The following DLGAP2 variants were observed in gnomAD, a reference collection of about 807,000 sequenced individuals.
DLGAP2 encodes disks large-associated protein 2.
Under a neutral mutation model 100.3 loss-of-function variants are expected in DLGAP2, and 26 were observed. That is an observed-to-expected ratio of 0.26 (90% CI 0.19 to 0.36). The LOEUF (loss-of-function observed/expected upper bound fraction) is 0.36. Among genes scored for constraint, DLGAP2 ranks in the 10% least tolerant of loss-of-function variants. The pLI, the probability that DLGAP2 is intolerant of heterozygous loss-of-function variation, is 1.00. For missense variants in DLGAP2, 1,858 were observed against 1,453.2 expected, an observed-to-expected ratio of 1.28 and a Z score of -4.53; for synonymous variants, 886 against 630.1, an observed-to-expected ratio of 1.41 and a Z score of -6.08.
At chr8:971,277 G>A (rs1482420721) in intron 2 of DLGAP2, among the ~76,000 whole-genome samples, 1 of 152,216 alleles carries the variant, frequency 6.6e-6, no homozygotes, top group East Asian at 1.9e-4. Context: ...CAACTGAAAA[G>A]TGGACAGAGG....
At chr8:1,667,318 C>T (rs1481983216) in intron 8 of DLGAP2, among the ~76,000 whole-genome samples, 1 of 152,156 alleles carries the variant, frequency 6.6e-6, no homozygotes. Context: ...CAGTCATCAT[C>T]TCCGGATGCA....
At chr8:1,087,910 C>A (rs1804029261) in intron 2 of DLGAP2, among the ~76,000 whole-genome samples, 1 of 152,250 alleles carries the variant, frequency 6.6e-6, no homozygotes, top group African/African-American at 2.4e-5. Flanking sequence ...GTCACCAGGT[C>A]CCCACCCTGG....
chr8:1,548,834 C>A lies in DLGAP2; in HGVS notation c.381C>A (p.Ser127Arg), dbSNP rs757945781. The change falls in exon 5 of 15, where the codon AGC becomes AGA. Residue 127 changes from serine to arginine, a missense_variant. Transcript: ENST00000637795. ...RPPYLLSPAD[S>R]CPGGRHRCSP... ...CCTACCTGCTGAGCCCCGCCGACAG[C>A]TGCCCCGGGGGGCGCCACCGCTGCT... is the stretch of plus-strand genomic sequence containing the variant. 1 of 1,580,288 alleles carries A rather than the reference C, an allele frequency of 6.3e-7. No individual in the cohort carries two copies. Among genetic ancestry groups the A allele is most frequent in the Non-Finnish European group, 8.6e-7 (1 of 1,167,160 alleles).
At chr8:1,062,845 G>C (rs557231968) in intron 2 of DLGAP2, among the ~76,000 whole-genome samples, 4 of 152,296 alleles carry the variant, frequency 2.6e-5, no homozygotes, top group South Asian at 2.1e-4. Flanking sequence ...TAATTCTAAG[G>C]AGGCAAGTTC....
intron 6 of DLGAP2, among the ~76,000 whole-genome samples, chr8:1,578,428 C>T (rs1321465276): frequency 6.6e-6 from 1 of 152,154 alleles, no homozygotes; most frequent in African/African-American, 2.4e-5. Context: ...TGTGCCGTCC[C>T]GTGAGATGGA....
At chr8:1,545,374 T>G (rs1460907733) in intron 4 of DLGAP2, among the ~76,000 whole-genome samples, 1 of 152,168 alleles carries the variant, frequency 6.6e-6, no homozygotes, top group Admixed American at 6.5e-5. Flanking sequence ...GGCCGCCCCA[T>G]AAGTGCAACA....
chr8:1,447,171 A>G (rs1798004739), intron 3 of DLGAP2, among the ~76,000 whole-genome samples: 1 of 152,238 alleles, frequency 6.6e-6, no homozygotes, highest in Non-Finnish European at 1.5e-5. Flanking sequence ...GTCTTGTGCC[A>G]GTTTTCAAAG....
chr8:1,202,702 C>T (rs1563250727), intron 2 of DLGAP2, among the ~76,000 whole-genome samples: 1 of 152,130 alleles, frequency 6.6e-6, no homozygotes, highest in African/African-American at 2.4e-5. Flanking sequence ...CCCCAGGATC[C>T]CTACTGCCCA....
intron 5 of DLGAP2, among the ~76,000 whole-genome samples, chr8:1,550,326 G>A (rs562274565): frequency 1.3e-5 from 2 of 152,198 alleles, no homozygotes; most frequent in Non-Finnish European, 2.9e-5. Flanking sequence ...ATGGCGGGAC[G>A]TTATCTACGG....
chr8:1,654,520 G>C (rs1798238662), intron 8 of DLGAP2, among the ~76,000 whole-genome samples: 1 of 152,142 alleles, frequency 6.6e-6, no homozygotes, highest in South Asian at 2.1e-4. Flanking sequence ...AATTAGCCAG[G>C]CATGGTGGCA....
intron 1 of DLGAP2, among the ~76,000 whole-genome samples, chr8:861,251 G>A (rs536365141): frequency 7.2e-5 from 11 of 152,260 alleles, no homozygotes; most frequent in African/African-American, 2.6e-4. Context: ...AGCTATCACG[G>A]GAGCTAGGAG....
chr8:872,100 A>G (rs990023832), intron 1 of DLGAP2, among the ~76,000 whole-genome samples: 2 of 152,094 alleles, frequency 1.3e-5, no homozygotes, highest in Non-Finnish European at 2.9e-5. Context: ...TAAGAAAATT[A>G]TGTGGTTTTC....
rs908733116 is a variant in DLGAP2, at chr8:870,111, C to G, written c.19-37801C>G. Reference sequence around the variant, plus strand: ...TTTGTAGCTACAAAACTATTGCTTTCTTAAGATTTTCTCTCTGGCTTCTGT... The same window carrying G: ...TTTGTAGCTACAAAACTATTGCTTTGTTAAGATTTTCTCTCTGGCTTCTGT... On this transcript the variant is annotated intron_variant, in intron 1 of 14. Transcript: ENST00000637795. 2.6e-5 allele frequency among the ~76,000 whole-genome samples: 4 copies of G among 151,678 alleles called. No homozygotes were observed. In the East Asian group the frequency reaches 7.7e-4, roughly 29 times the overall value.
At chr8:1,009,857 C>A (rs1362328815) in intron 2 of DLGAP2, among the ~76,000 whole-genome samples, 2 of 152,108 alleles carry the variant, frequency 1.3e-5, no homozygotes, top group African/African-American at 4.8e-5. Context: ...TATCAAATGC[C>A]CATTTATCTG....
At chr8:812,106 G>C (rs1796382726) in intron 1 of DLGAP2, among the ~76,000 whole-genome samples, 1 of 152,188 alleles carries the variant, frequency 6.6e-6, no homozygotes, top group Admixed American at 6.5e-5. Flanking sequence ...GCAAGAGGGA[G>C]GGAAGGAGAG....
chr8:1,415,435 A>G (rs779020046), intron 3 of DLGAP2, among the ~76,000 whole-genome samples: 3 of 150,352 alleles, frequency 2.0e-5, no homozygotes, highest in Non-Finnish European at 3.0e-5. Context: ...ACAGCACCCA[A>G]TGGGCAGTGT....
At chr8:1,550,672 A>G (rs1252119744) in intron 5 of DLGAP2, among the ~76,000 whole-genome samples, 1 of 152,214 alleles carries the variant, frequency 6.6e-6, no homozygotes, top group East Asian at 1.9e-4. Flanking sequence ...CCAAAGGCAA[A>G]AACAAAGAAG....
intron 1 of DLGAP2, among the ~76,000 whole-genome samples, chr8:855,325 GC>G (rs201609313): frequency 6.7e-6 from 1 of 148,652 alleles, no homozygotes; most frequent in Admixed American, 7.3e-5. Context: ...TGTGCTCCCA[GC>G]GGGTGTGTAC....
At chr8:1,083,047 C>T (rs767108800) in intron 2 of DLGAP2, among the ~76,000 whole-genome samples, 21 of 152,136 alleles carry the variant, frequency 1.4e-4, no homozygotes, top group Non-Finnish European at 2.6e-4. Context: ...TTATAAGAGT[C>T]CATGCTGAGT....
Sources: gnomAD v4.1 joint callset for allele counts (sites outside exome capture counted in the v4.1 genomes callset) on GRCh38, gnomAD v4.1.1 for gene constraint, MANE v1.5 for transcripts, NCBI Gene and HGNC (gene_info 2026-07-23, HGNC 2026-07-21) for gene names.